Variants in TMCO4 observed in about 807,000 individuals in gnomAD.
TMCO4 encodes transmembrane and coiled-coil domain-containing protein 4.
A neutral mutation model predicts 64.7 loss-of-function variants in TMCO4; 58 were observed. The observed-to-expected ratio is 0.90, with a 90% confidence interval of 0.73 to 1.12. The LOEUF (loss-of-function observed/expected upper bound fraction) is 1.12. Ranked by LOEUF, TMCO4 falls within the 50% of genes most tolerant of loss-of-function variation. The pLI, the probability that TMCO4 is intolerant of heterozygous loss-of-function variation, is 0.00. For synonymous variants in TMCO4, 325 were observed against 346.1 expected (o/e 0.94, Z 0.68); for missense variants, 780 against 825.9 (o/e 0.94, Z 0.68).
chr1:19,705,344 G>C (rs113718757), intron 13 of TMCO4, among the ~76,000 whole-genome samples: 64 of 152,070 alleles, frequency 4.2e-4, no homozygotes, highest in Middle Eastern at 3.4e-3. Flanking sequence ...CCAGCTACTC[G>C]GAAGGCTGAG....
chr1:19,715,924 C>T (rs770230573), intron 13 of TMCO4, among the ~76,000 whole-genome samples: 1 of 152,186 alleles, frequency 6.6e-6, no homozygotes, highest in Non-Finnish European at 1.5e-5. Flanking sequence ...AGAAAGCCTG[C>T]CCCTCCCTGG....
At chr1:19,693,450 A>G (rs905096792) in intron 15 of TMCO4, among the ~76,000 whole-genome samples, 2 of 152,116 alleles carry the variant, frequency 1.3e-5, no homozygotes, top group African/African-American at 4.8e-5. Context: ...TGCACTCCAG[A>G]CTGGGCAACA....
intron 13 of TMCO4, among the ~76,000 whole-genome samples, chr1:19,705,263 C>T (rs1184720011): frequency 6.6e-6 from 1 of 151,994 alleles, no homozygotes; most frequent in Non-Finnish European, 1.5e-5. Flanking sequence ...CCAGCCTGGC[C>T]AACATGGCAA....
chr1:19,735,092 A>G (rs540137863), intron 13 of TMCO4, among the ~76,000 whole-genome samples: 15 of 152,214 alleles, frequency 9.9e-5, no homozygotes, highest in African/African-American at 3.6e-4. Flanking sequence ...GACCCTGCCT[A>G]CCTGGACTTC....
Position 19,734,572 on chromosome 1 carries a change from C to G in TMCO4, c.1264+2800G>C, listed in dbSNP as rs2100811168. Among the ~76,000 whole-genome samples, 1 of 152,192 alleles carries G rather than the reference C, an allele frequency of 6.6e-6. No homozygotes were observed. The highest frequency in any genetic ancestry group is 2.1e-4 in the South Asian group (1 of 4,822). On this transcript the variant is annotated intron_variant, in intron 13 of 15. Transcript: ENST00000294543. This position sits in a 1 kb window ranked among gnomAD's most constrained non-coding sequence, Gnocchi z 4.4. Reference sequence around the variant, plus strand: ...CCTGGCACAGTGCCAGGCTCCCACCCTGACCTATTAGCATTTCCCACCAAC... The same window carrying G: ...CCTGGCACAGTGCCAGGCTCCCACCGTGACCTATTAGCATTTCCCACCAAC...
At chr1:19,759,290 C>T (rs2042399023) in intron 6 of TMCO4, among the ~76,000 whole-genome samples, 1 of 152,050 alleles carries the variant, frequency 6.6e-6, no homozygotes, top group Admixed American at 6.6e-5. Context: ...GCCACCGCCA[C>T]AGCCACAGCC....
intron 13 of TMCO4, among the ~76,000 whole-genome samples, chr1:19,735,014 T>C (rs998412691): frequency 6.6e-6 from 1 of 152,146 alleles, no homozygotes; most frequent in Non-Finnish European, 1.5e-5. Flanking sequence ...AGCTCCTTCA[T>C]CTTCCTGACC....
Position 19,755,635 on chromosome 1 carries a change from C to G in TMCO4, c.514G>C (p.Glu172Gln). Residue 172 changes from glutamate (E) to glutamine (Q), a missense_variant and splice_region_variant, in exon 7 of 16, where the codon GAA (glutamate) becomes CAA (glutamine). Glu to Gln is a conservative substitution (Grantham distance 29, BLOSUM62 2). Transcript: ENST00000294543. The part of the protein sequence containing the change: ...SLKEIKEEES[E>Q]MAEASRKKKE... ...ATGGGGGTCGCGGGGCTCTCTTACT[C>G]AGATTCCTCTTCTTTGATTTCCTTC... is the stretch of plus-strand genomic sequence containing the variant. 7.4e-6 allele frequency: 12 copies of G among 1,613,974 alleles called. No individual in the cohort carries two copies. The highest frequency in any genetic ancestry group is 1.0e-5 in the Non-Finnish European group (12 of 1,179,938).
intron 13 of TMCO4, among the ~76,000 whole-genome samples, chr1:19,720,611 T>G (rs2095377959): frequency 6.6e-6 from 1 of 152,148 alleles, no homozygotes; most frequent in Non-Finnish European, 1.5e-5. Flanking sequence ...GCAAATCTTT[T>G]GGGGGAAGAA....
intron 15 of TMCO4, among the ~76,000 whole-genome samples, chr1:19,693,595 C>T (rs1008772811): frequency 6.6e-6 from 1 of 152,228 alleles, no homozygotes; most frequent in African/African-American, 2.4e-5. Flanking sequence ...CCCCTGCACC[C>T]CAGCCTAGTT....
At chr1:19,773,182 C>CT (rs1237719323) in intron 4 of TMCO4, among the ~76,000 whole-genome samples, 2 of 152,112 alleles carry the variant, frequency 1.3e-5, no homozygotes, top group African/African-American at 2.4e-5. Flanking sequence ...GAGTGAGACT[C>CT]TGTCTCAAAA....
chr1:19,718,310 GGGCAACA>G, intron 13 of TMCO4, among the ~76,000 whole-genome samples: 1 of 151,680 alleles, frequency 6.6e-6, no homozygotes, highest in Non-Finnish European at 1.5e-5. Context: ...ACTCCAGCCT[GGGCAACA>G]GAGTGAGACT....
At chr1:19,740,682 C>A in intron 11 of TMCO4, 95 bp downstream of exon 11, 2 of 1,415,258 alleles carry the variant, frequency 1.4e-6, no homozygotes, top group Non-Finnish European at 1.9e-6. Context: ...ACGGTGCCTG[C>A]CCTGGGGGCT....
chr1:19,718,663 A>C (rs1299568748), intron 13 of TMCO4, among the ~76,000 whole-genome samples: 2 of 150,732 alleles, frequency 1.3e-5, no homozygotes, highest in Non-Finnish European at 3.0e-5. Context: ...AAAAAAAAAA[A>C]AAAGAGAGAG....
chr1:19,764,842 C>CAAAAAAAAAAAAAAAAAAAAAAAAAA, intron 6 of TMCO4, among the ~76,000 whole-genome samples: 1 of 70,418 alleles, frequency 1.4e-5, no homozygotes, highest in Non-Finnish European at 2.6e-5. Context: ...AACTCTGTCT[C>CAAAAAAAAAAAAAAAAAAAAAAAAAA]AAAAAAAAAA....
intron 6 of TMCO4, among the ~76,000 whole-genome samples, chr1:19,767,987 G>A (rs1319657054): frequency 2.0e-5 from 3 of 151,880 alleles, no homozygotes; most frequent in Non-Finnish European, 4.4e-5. Flanking sequence ...AGCTACTCAG[G>A]AGGCTGAGAC....
At chr1:19,796,353 A>G (rs1005452496) in intron 2 of TMCO4, among the ~76,000 whole-genome samples, 2 of 152,072 alleles carry the variant, frequency 1.3e-5, no homozygotes, top group African/African-American at 2.4e-5. Flanking sequence ...GGGGCCTGCC[A>G]ACTCTGAAGC....
Position 19,734,446 on chromosome 1 carries a change from C to T in TMCO4, c.1264+2926G>A, listed in dbSNP as rs551656281. The stretch of plus-strand genomic sequence containing the variant: ...GTAGGGTGCCCAGCACCAGTGCCCC[C>T]GGGTCCTCCTTGGCAGGATCCACTC... On this transcript the variant is annotated intron_variant, in intron 13 of 15. Coordinates refer to ENST00000294543, the MANE Select transcript of TMCO4 (RefSeq NM_181719.7). This position sits in a 1 kb window ranked among gnomAD's most constrained non-coding sequence, Gnocchi z 4.4. Among the ~76,000 whole-genome samples the T allele has an allele frequency of 7.9e-5, 12 of 152,216 alleles. No homozygotes were observed. Among genetic ancestry groups the T allele is most frequent in the South Asian group, 2.1e-4 (1 of 4,828 alleles).
intron 11 of TMCO4, among the ~76,000 whole-genome samples, chr1:19,740,186 A>G (rs1333022975): frequency 3.9e-5 from 6 of 152,130 alleles, no homozygotes; most frequent in Admixed American, 3.9e-4. Flanking sequence ...GATGGCCCCA[A>G]TTCGTCTCCA....
Sources: gnomAD v4.1 joint callset for allele counts (sites outside exome capture counted in the v4.1 genomes callset) on GRCh38, gnomAD v4.1.1 for gene constraint, Gnocchi (gnomAD v3.1) non-coding constraint, MANE v1.5 for transcripts, NCBI Gene and HGNC (gene_info 2026-07-23, HGNC 2026-07-21) for gene names.